The following CCNH variants were observed in gnomAD, a reference collection of about 807,000 sequenced individuals.
CCNH encodes cyclin H.
CCNH carries 31 observed loss-of-function variants against 41.9 expected under a neutral mutation model. The ratio of observed to expected loss-of-function variants is 0.74; its 90% CI spans 0.56 to 1.00. The LOEUF (loss-of-function observed/expected upper bound fraction) is 1.00. Among genes scored for constraint, CCNH ranks in the 50% least tolerant of loss-of-function variants. The pLI is 0.00. For synonymous variants in CCNH, 138 were observed against 136.1 expected (o/e 1.01, Z -0.10); for missense variants, 362 against 388.4 (o/e 0.93, Z 0.57).
chr5:87,380,629 A>G (rs1419591086), upstream of CCNH: 2 of 1,508,876 alleles, frequency 1.3e-6, no homozygotes, highest in East Asian at 2.3e-5. Context: ...TAAATCACAT[A>G]CTAATAGGTG....
chr5:87,317,374 C>T (rs192305830), downstream of CCNH, among the ~76,000 whole-genome samples: 138 of 152,216 alleles, frequency 9.1e-4, no homozygotes, highest in African/African-American at 3.0e-3. Context: ...TAGGGAGAAT[C>T]AAAATTACAT....
At chr5:87,341,988 A>G (rs994203085) in intron 9 of CCNH, among the ~76,000 whole-genome samples, 1 of 152,132 alleles carries the variant, frequency 6.6e-6, no homozygotes, top group African/African-American at 2.4e-5. Context: ...ACCTTGTTTA[A>G]TGCTTCACCC....
At chr5:87,372,353 G>A (rs190270029), downstream of CCNH, among the ~76,000 whole-genome samples, 13 of 152,212 alleles carry the variant, frequency 8.5e-5, no homozygotes, top group Admixed American at 6.5e-4. Context: ...CTTTATGAAA[G>A]AGAATGTTCT....
At chr5:87,379,849 C>A, upstream of CCNH, 1 of 1,611,860 alleles carries the variant, frequency 6.2e-7, no homozygotes, top group Non-Finnish European at 8.5e-7. Context: ...AATACTTCCA[C>A]CGTAAGTGGT....
intron 9 of CCNH, among the ~76,000 whole-genome samples, chr5:87,350,231 A>T (rs1439361239): frequency 6.6e-6 from 1 of 151,842 alleles, no homozygotes; most frequent in Non-Finnish European, 1.5e-5. Flanking sequence ...AAAGACATCA[A>T]ATGTAAGATG....
chr5:87,400,543 T>G (rs1471302758), intron 6 of CCNH, among the ~76,000 whole-genome samples: 2 of 152,170 alleles, frequency 1.3e-5, no homozygotes, highest in African/African-American at 2.4e-5. Context: ...ACTAAAGACC[T>G]ACAGTTTATA....
rs372738450 is a variant in CCNH at position 87,370,394 on chromosome 5, T to G, written c.*90+22376A>C. On this transcript the variant is annotated intron_variant and NMD_transcript_variant, in intron 9 of 9. Transcript: ENST00000645953. The stretch of plus-strand genomic sequence containing the variant: ...AGATTAGCTATTAATCCATGTGCAG[T>G]GTCCTTCTTATAGCGTCTATTAAGT... Among the ~76,000 whole-genome samples the G allele has an allele frequency of 3.9e-4, 60 of 152,356 alleles. No individual in the cohort carries two copies. The South Asian group carries it at 0.012, about 31-fold the overall frequency.
upstream of CCNH, among the ~76,000 whole-genome samples, chr5:87,379,334 G>A (rs1418256456): frequency 1.3e-5 from 2 of 152,116 alleles, no homozygotes; most frequent in Non-Finnish European, 2.9e-5. Context: ...GACTTCCATA[G>A]ATAAATGTAC....
At chr5:87,334,468 A>G (rs1440283036) in intron 9 of CCNH, among the ~76,000 whole-genome samples, 3 of 152,184 alleles carry the variant, frequency 2.0e-5, no homozygotes, top group East Asian at 1.9e-4. Flanking sequence ...CCAGAAATAT[A>G]ATGTTTAATC....
At chr5:87,380,362 C>A, upstream of CCNH, 2 of 728,342 alleles carry the variant, frequency 2.7e-6, no homozygotes, top group South Asian at 1.5e-5. Context: ...TTGCTAAATG[C>A]CTCATTACCT....
At chr5:87,380,544 C>G (rs768807181), upstream of CCNH, 2 of 1,613,244 alleles carry the variant, frequency 1.2e-6, no homozygotes, top group East Asian at 4.5e-5. Context: ...TTACAGAAAT[C>G]TGTTCAGCAT....
rs1192123145 is a variant in CCNH at position 87,331,008 on chromosome 5, GTCTA to G, written c.*91-12115_*91-12112del. ...GGTAGTAAATTAATCATTTCCATTT[GTCTA>G]TCTTTTATTTTTCTAAGTAAAGATC... On this transcript the variant is annotated intron_variant and NMD_transcript_variant, in intron 9 of 9. Transcript: ENST00000645953. The G allele has an allele frequency of 5.8e-6, 8 of 1,386,792 alleles. No homozygotes were observed. The East Asian group carries it at 1.0e-4, about 17-fold the overall frequency. 85.9% of individuals were successfully genotyped at this position (1,386,792 alleles called of 1,614,324 possible).
chr5:87,388,998 C>G (rs1762265742), downstream of CCNH, among the ~76,000 whole-genome samples: 1 of 152,026 alleles, frequency 6.6e-6, no homozygotes, highest in Non-Finnish European at 1.5e-5. Flanking sequence ...TGGAATCTGG[C>G]TTTCATGTGA....
At chr5:87,373,886 G>A (rs911628322), downstream of CCNH, among the ~76,000 whole-genome samples, 1 of 151,862 alleles carries the variant, frequency 6.6e-6, no homozygotes, top group Non-Finnish European at 1.5e-5. Flanking sequence ...GGTAGAAAAG[G>A]TGTATTTCAT....
chr5:87,374,170 G>A, downstream of CCNH: 1 of 1,504,576 alleles, frequency 6.6e-7, no homozygotes, highest in Non-Finnish European at 8.9e-7. Context: ...TAGGTCAGCA[G>A]CCTTGTTTTA....
chr5:87,313,794 TGAGA>T (rs1443511457), downstream of CCNH, among the ~76,000 whole-genome samples: 2 of 152,288 alleles, frequency 1.3e-5, no homozygotes, highest in African/African-American at 4.8e-5. Flanking sequence ...CACTGAAGAA[TGAGA>T]GAGATTTCTG....
intron 9 of CCNH, among the ~76,000 whole-genome samples, chr5:87,346,958 A>G (rs1478919522): frequency 6.6e-6 from 1 of 152,024 alleles, no homozygotes. Flanking sequence ...CTTCCTCAGA[A>G]GTAACACTAG....
At chr5:87,312,951 A>G in the CCNH span, among the ~76,000 whole-genome samples, 3 of 152,216 alleles carry the variant, frequency 2.0e-5, no homozygotes, top group Non-Finnish European at 4.4e-5. Flanking sequence ...TGAGTAGGCC[A>G]GATTATTGAA....
In CCNH at chr5:87,377,000, G is replaced by A. The variant is rs757206060; in HGVS notation, n.181C>T. Reference sequence around the variant, plus strand: ...TTCTTCACGAAAAGCTTGAATCGTTGTTGTTATGCACACTAAATGACAGAG... The same window carrying A: ...TTCTTCACGAAAAGCTTGAATCGTTATTGTTATGCACACTAAATGACAGAG... On this transcript the variant is annotated non_coding_transcript_exon_variant, in exon 1 of 1. Transcript: ENST00000607486. 2.7e-5 allele frequency: 43 copies of A among 1,613,676 alleles called. No individual in the cohort carries two copies. Among genetic ancestry groups the A allele is most frequent in the Non-Finnish European group, 3.1e-5 (36 of 1,179,806 alleles).
Sources: gnomAD v4.1 joint callset for allele counts (sites outside exome capture counted in the v4.1 genomes callset) on GRCh38, gnomAD v4.1.1 for gene constraint, MANE v1.5 for transcripts, NCBI Gene and HGNC (gene_info 2026-07-23, HGNC 2026-07-21) for gene names.